The following CNTF variants were observed in gnomAD, a reference collection of about 807,000 sequenced individuals.
CNTF encodes ciliary neurotrophic factor.
Under a neutral mutation model 13.0 loss-of-function variants are expected in CNTF, and 14 were observed. That is an observed-to-expected ratio of 1.07 (90% CI 0.71 to 1.68). CNTF has a LOEUF of 1.68. Among genes scored for constraint, CNTF ranks in the 40% most tolerant of loss-of-function variants. The pLI is 0.00. For missense variants in CNTF, 283 were observed against 252.5 expected (o/e 1.12, Z -0.82); for synonymous variants, 98 against 92.4 (o/e 1.06, Z -0.35).
chr11:58,622,787 A>AC lies in CNTF; in HGVS notation c.37dup (p.Arg13ProfsTer6). On this transcript the variant is annotated frameshift_variant, in exon 1 of 2. Transcript: ENST00000361987. LOFTEE classifies it high-confidence loss of function. ...ACAGAGCATTCACCGCTGACCCCTC[A>AC]CCGTCGGGACCTCTGTAGCCGCTCT... 6.2e-7 allele frequency: 1 copy of AC among 1,613,962 alleles called. No homozygotes were observed. Among genetic ancestry groups the AC allele is most frequent in the South Asian group, 1.1e-5 (1 of 91,070 alleles).
In CNTF at chr11:58,622,784, C is replaced by T. The variant is rs1470817141; in HGVS notation, c.32C>T (p.Pro11Leu). ...TTCACAGAGCATTCACCGCTGACCCCTCACCGTCGGGACCTCTGTAGCCGC... is the reference window on the plus strand; with the variant it reads ...TTCACAGAGCATTCACCGCTGACCCTTCACCGTCGGGACCTCTGTAGCCGC... MAFTEHSPLT[P>L]HRRDLCSRSI... The change falls in exon 1 of 2, where the codon CCT (proline) becomes CTT (leucine). Residue 11 changes from proline (P) to leucine (L), a missense_variant. Transcript: ENST00000361987. 10 of 1,613,844 alleles carry T rather than the reference C, an allele frequency of 6.2e-6. No homozygotes were observed. The highest frequency in any genetic ancestry group is 1.3e-5 in the African/African-American group (1 of 74,890).
chr11:58,623,637 A>G (rs890504492), intron 1 of CNTF, among the ~76,000 whole-genome samples: 4 of 152,246 alleles, frequency 2.6e-5, no homozygotes, highest in African/African-American at 9.6e-5. Flanking sequence ...GAGAAATTCT[A>G]CAATGGCTAT....
In CNTF at chr11:58,624,690, A is replaced by T. The variant is rs1205595476; in HGVS notation, c.*168A>T. 4.1e-6 allele frequency: 3 copies of T among 730,592 alleles called. No individual in the cohort carries two copies. The highest frequency in any genetic ancestry group is 5.4e-5 in the Admixed American group (2 of 37,046). The allele number at this position is 730,592 out of a possible 1,614,324, so 45.3% of individuals were successfully genotyped here. On this transcript the variant is annotated 3_prime_UTR_variant, in exon 2 of 2. Coordinates refer to ENST00000361987, the MANE Select transcript of CNTF (RefSeq NM_000614.4). ...CTGTTGAAGGACTACAGGTATTTTC[A>T]TCAAGTAGCGTTGGAGACATACACA... is the stretch of plus-strand genomic sequence containing the variant.
chr11:58,624,360 A>G lies in CNTF; in HGVS notation c.441A>G (p.Gly147=). 6.2e-7 allele frequency: 1 copy of G among 1,613,808 alleles called. No individual in the cohort carries two copies. The highest frequency in any genetic ancestry group is 2.2e-5 in the East Asian group (1 of 44,880). Residue 147 remains glycine (G), a synonymous_variant, in exon 2 of 2, where the codon GGA becomes GGG. Coordinates refer to ENST00000361987, the MANE Select transcript of CNTF (RefSeq NM_000614.4). ...NEADGMPINV[G]DGGLFEKKLW... ...CTGATGGGATGCCTATTAATGTTGG[A>G]GATGGTGGTCTCTTTGAGAAGAAGC...
chr11:58,624,541 T>C lies in CNTF; in HGVS notation c.*19T>C. 6.2e-7 allele frequency: 1 copy of C among 1,611,922 alleles called. No individual in the cohort carries two copies. Among genetic ancestry groups the C allele is most frequent in the East Asian group, 2.2e-5 (1 of 44,890 alleles). On this transcript the variant is annotated 3_prime_UTR_variant, in exon 2 of 2. Transcript: ENST00000361987. ...AATGTAGCAGTTAGTCCCTTCTCTC[T>C]TCCTTGCTTTCTCTTCTAATGGAAT...
Position 58,624,534 on chromosome 11 carries a change from T to C in CNTF, c.*12T>C. ...ACAAGAAAATGTAGCAGTTAGTCCCTTCTCTCTTCCTTGCTTTCTCTTCTA... is the reference window on the plus strand; with the variant it reads ...ACAAGAAAATGTAGCAGTTAGTCCCCTCTCTCTTCCTTGCTTTCTCTTCTA... On this transcript the variant is annotated 3_prime_UTR_variant, in exon 2 of 2. Coordinates refer to ENST00000361987, the MANE Select transcript of CNTF (RefSeq NM_000614.4). 6.2e-7 allele frequency: 1 copy of C among 1,612,910 alleles called. No individual in the cohort carries two copies. The highest frequency in any genetic ancestry group is 1.7e-4 in the Middle Eastern group (1 of 6,060).
At position 58,624,627 on chromosome 11, in the gene CNTF, C is replaced by T; in HGVS notation, c.*105C>T. On this transcript the variant is annotated 3_prime_UTR_variant, in exon 2 of 2. Coordinates refer to ENST00000361987, the MANE Select transcript of CNTF (RefSeq NM_000614.4). ...AAATTTCTAAAAACAGTTAAGACAA[C>T]AGGCATTTTCTTTCTTTTTTCTCTG... 7.2e-7 allele frequency: 1 copy of T among 1,390,956 alleles called. No homozygotes were observed. 86.2% of individuals were successfully genotyped at this position (1,390,956 alleles called of 1,614,324 possible). A position where few individuals can be genotyped will look rare whatever the true frequency, so the allele number is the denominator to read the frequency against.
Position 58,624,758 on chromosome 11 carries a change from G to A in CNTF, c.*236G>A, listed in dbSNP as rs907309124. 3.0e-5 allele frequency: 14 copies of A among 473,370 alleles called. No individual in the cohort carries two copies. Among genetic ancestry groups the A allele is most frequent in the Admixed American group, 2.0e-4 (6 of 29,592 alleles). The allele number at this position is 473,370 out of a possible 1,614,324, so 29.3% of individuals were successfully genotyped here. On this transcript the variant is annotated 3_prime_UTR_variant, in exon 2 of 2. Coordinates refer to ENST00000361987, the MANE Select transcript of CNTF (RefSeq NM_000614.4). ...AGCCTGGGGGGTGTGATTTGTGTGC[G>A]TGCTTGCATGTGCTGCAGGTGTAAG...
chr11:58,624,877 C>G lies in CNTF; in HGVS notation c.*355C>G, dbSNP rs1855909151. On this transcript the variant is annotated 3_prime_UTR_variant, in exon 2 of 2. Coordinates refer to ENST00000361987, the MANE Select transcript of CNTF (RefSeq NM_000614.4). ...TACAGGCATTTAACTGCCTTACAGA[C>G]AGAATATACATATGTTAATTCTAGT... 3.9e-6 allele frequency: 1 copy of G among 258,042 alleles called. No homozygotes were observed. The allele number at this position is 258,042 out of a possible 1,614,324, so 16.0% of individuals were successfully genotyped here.
chr11:58,625,621 A>C lies in CNTF; in HGVS notation c.*1099A>C, dbSNP rs967884850. On this transcript the variant is annotated 3_prime_UTR_variant, in exon 2 of 2. Transcript: ENST00000361987. Reference sequence around the variant, plus strand: ...ACTAAAGTTAAAAAGTCAAACTTTCACCTCAGATTTTCTGGACTTAGTCAT... The same window carrying C: ...ACTAAAGTTAAAAAGTCAAACTTTCCCCTCAGATTTTCTGGACTTAGTCAT... The C allele has an allele frequency of 6.6e-6, 1 of 152,088 alleles. No individual in the cohort carries two copies. The highest frequency in any genetic ancestry group is 2.4e-5 in the African/African-American group (1 of 41,394). 9.4% of individuals were successfully genotyped at this position (152,088 alleles called of 1,614,324 possible). A position where few individuals can be genotyped will look rare whatever the true frequency, so the allele number is the denominator to read the frequency against.
At position 58,624,326 on chromosome 11, in the gene CNTF, G is replaced by A. The variant is rs575416876; in HGVS notation, c.407G>A (p.Arg136His). 5.5e-5 allele frequency: 88 copies of A among 1,613,664 alleles called. No homozygotes were observed. In the African/African-American group the frequency reaches 6.9e-4, roughly 13 times the overall value. The change falls in exon 2 of 2, where the codon CGC becomes CAC. Residue 136 changes from arginine (R) to histidine (H), a missense_variant. By Grantham distance (29) the Arg-to-His change is conservative. Coordinates refer to ENST00000361987, the MANE Select transcript of CNTF (RefSeq NM_000614.4). ...LMILLEYKIP[R>H]NEADGMPINV... The stretch of plus-strand genomic sequence containing the variant: ...ATACTCCTGGAATACAAGATCCCCC[G>A]CAATGAGGCTGATGGGATGCCTATT...
At chr11:58,623,012 TGAG>T in intron 1 of CNTF, 146 bp downstream of exon 1, 3 of 711,166 alleles carry the variant, frequency 4.2e-6, no homozygotes, top group Non-Finnish European at 7.6e-6. Context: ...GCCCTTCCCT[TGAG>T]GAAACCCATG....
chr11:58,623,844 C>G (rs2515363), intron 1 of CNTF, among the ~76,000 whole-genome samples, 190 bp from the exon 2 acceptor site: 74,533 of 151,964 alleles, frequency 0.49, 19,125 homozygotes, highest in African/African-American at 0.65. Flanking sequence ...CAATTTCAGG[C>G]AGTATTGGGT....
intron 1 of CNTF, 53 bp from the exon 2 acceptor site, chr11:58,623,981 A>T: frequency 1.3e-6 from 2 of 1,583,184 alleles, no homozygotes; most frequent in East Asian, 2.2e-5. Flanking sequence ...GGGTGATTTA[A>T]GGACACTGGG....
chr11:58,624,520 T>C lies in CNTF; in HGVS notation c.601T>C (p.Ter201GlnextTer27), dbSNP rs1431728062. The C allele has an allele frequency of 6.2e-7, 1 of 1,613,586 alleles. No homozygotes were observed. Among genetic ancestry groups the C allele is most frequent in the Admixed American group, 1.7e-5 (1 of 60,006 alleles). Residue 201 changes from the stop codon to glutamine (Q), a stop_lost, in exon 2 of 2, where the codon TAG becomes CAG. Transcript: ENST00000361987. Reference protein sequence around the residue: ...SHYIANNKKM* With the variant: ...SHYIANNKKMQ ...TTATATTGCTAACAACAAGAAAATGTAGCAGTTAGTCCCTTCTCTCTTCCT... is the reference window on the plus strand; with the variant it reads ...TTATATTGCTAACAACAAGAAAATGCAGCAGTTAGTCCCTTCTCTCTTCCT...
Position 58,624,416 on chromosome 11 carries a change from CA to C in CNTF, c.498del (p.Gln167SerfsTer4). The C allele has an allele frequency of 6.2e-7, 1 of 1,613,952 alleles. No homozygotes were observed. ...LWGLKVLQEL[S>X]QWTVRSIHDL... is the part of the protein sequence containing the mutation. ...GGCCTAAAGGTGCTGCAGGAGCTTT[CA>C]CAGTGGACAGTAAGGTCCATCCATG... On this transcript the variant is annotated frameshift_variant, in exon 2 of 2. Coordinates refer to ENST00000361987, the MANE Select transcript of CNTF (RefSeq NM_000614.4). LOFTEE classifies it high-confidence loss of function.
rs1346119804 is a variant in CNTF at position 58,624,244 on chromosome 11, A to G, written c.325A>G (p.Ile109Val). Residue 109 changes from isoleucine (I) to valine (V), a missense_variant, in exon 2 of 2, where the codon ATA (isoleucine) becomes GTA (valine). By Grantham distance (29) the Ile-to-Val change is conservative. Transcript: ENST00000361987. The stretch of plus-strand genomic sequence containing the variant: ...AACCGAAGGTGACTTCCATCAAGCT[A>G]TACATACCCTTCTTCTCCAAGTCGC... ...TPTEGDFHQA[I>V]HTLLLQVAAF... 1 of 1,614,036 alleles carries G rather than the reference A, an allele frequency of 6.2e-7. No homozygotes were observed. The highest frequency in any genetic ancestry group is 8.5e-7 in the Non-Finnish European group (1 of 1,179,998).
Position 58,624,492 on chromosome 11 carries a change from C to T in CNTF, c.573C>T (p.Ser191=), listed in dbSNP as rs1222627017. 6.2e-7 allele frequency: 1 copy of T among 1,613,832 alleles called. No individual in the cohort carries two copies. The highest frequency in any genetic ancestry group is 1.3e-5 in the African/African-American group (1 of 74,880). ...SHQTGIPARG[S]HYIANNKKM is the part of the protein sequence containing the mutation. ...AGACTGGGATCCCAGCACGTGGGAG[C>T]CATTATATTGCTAACAACAAGAAAA... The change falls in exon 2 of 2, where the codon AGC becomes AGT. Residue 191 remains serine (S), a synonymous_variant. Coordinates refer to ENST00000361987, the MANE Select transcript of CNTF (RefSeq NM_000614.4).
At position 58,624,084 on chromosome 11, in the gene CNTF, G is replaced by T; in HGVS notation, c.165G>T (p.Gly55=). ...NKNINLDSAD[G]MPVASTDQWS... ...ACATCAACCTGGACTCTGCGGATGG[G>T]ATGCCAGTGGCAAGCACTGATCAGT... The change falls in exon 2 of 2, where the codon GGG becomes GGT. Residue 55 remains glycine, a synonymous_variant. Transcript: ENST00000361987. 1.2e-6 allele frequency: 2 copies of T among 1,611,714 alleles called. No homozygotes were observed. The highest frequency in any genetic ancestry group is 1.7e-6 in the Non-Finnish European group (2 of 1,178,744).
Sources: gnomAD v4.1 joint callset for allele counts (sites outside exome capture counted in the v4.1 genomes callset) on GRCh38, gnomAD v4.1.1 for gene constraint, MANE v1.5 for transcripts, NCBI Gene and HGNC (gene_info 2026-07-23, HGNC 2026-07-21) for gene names.